The following SRP72 variants were observed in gnomAD, a reference collection of about 807,000 sequenced individuals.
SRP72 encodes signal recognition particle 72.
Under a neutral mutation model 96.3 loss-of-function variants are expected in SRP72, and 49 were observed. The ratio of observed to expected loss-of-function variants is 0.51; its 90% CI spans 0.40 to 0.65. The LOEUF is 0.65. Ranked by LOEUF, SRP72 falls within the 30% of genes least tolerant of loss-of-function variation. The pLI, the probability that SRP72 is intolerant of heterozygous loss-of-function variation, is 0.00. For synonymous variants in SRP72, 267 were observed against 275.2 expected (o/e 0.97, Z 0.30); for missense variants, 736 against 793.3 (o/e 0.93, Z 0.87).
intron 16 of SRP72, 112 bp downstream of exon 16, chr4:56,491,680 CTTTTCCAT>C: frequency 2.7e-6 from 3 of 1,111,686 alleles, no homozygotes; most frequent in Non-Finnish European, 3.8e-6. Flanking sequence ...CTCTTTGTTC[CTTTTCCAT>C]TTCTCTCACT....
At chr4:56,485,047 G>A (rs1720652770) in intron 10 of SRP72, among the ~76,000 whole-genome samples, 183 bp downstream of exon 10, 2 of 152,092 alleles carry the variant, frequency 1.3e-5, no homozygotes, top group South Asian at 4.1e-4. Context: ...ATTTCTTTGT[G>A]TTATATAAAT....
rs1719879534 is a variant in SRP72, at chr4:56,469,535, T to A, written c.110-118T>A. On this transcript the variant is annotated intron_variant, in intron 1 of 18. Transcript: ENST00000642900. ...GTTTCTTCCAGTTGTTCTGACCAAT[T>A]ATTTCTGTTGCAATAAAAGTAGAAA... 8 of 960,492 alleles carry A rather than the reference T, an allele frequency of 8.3e-6. No individual in the cohort carries two copies. The South Asian group carries it at 1.8e-4, about 21-fold the overall frequency. The allele number at this position is 960,492 out of a possible 1,614,324, so 59.5% of individuals were successfully genotyped here. A position where few individuals can be genotyped will look rare whatever the true frequency, so the allele number is the denominator to read the frequency against.
At position 56,484,681 on chromosome 4, in the gene SRP72, G is replaced by A. The variant is rs969383381; in HGVS notation, c.958-55G>A. On this transcript the variant is annotated intron_variant, in intron 9 of 18. Transcript: ENST00000642900. The stretch of plus-strand genomic sequence containing the variant: ...TGTTTCTTTTCTTTCTGGTCATTTA[G>A]TGTTTAATTTCATTAACCAGTTTAT... 1.9e-6 allele frequency: 3 copies of A among 1,601,476 alleles called. No individual in the cohort carries two copies. The African/African-American group carries it at 4.0e-5, about 22-fold the overall frequency.
chr4:56,491,820 A>G, intron 16 of SRP72: 1 of 311,982 alleles, frequency 3.2e-6, no homozygotes, highest in East Asian at 6.0e-5. Flanking sequence ...GATGGTTTAC[A>G]AATATTTTCT....
chr4:56,501,735 T>C lies in SRP72; in HGVS notation c.1890T>C (p.Ser630=). ...CACCCACCTCCCCAAGACCTGGCAG[T>C]GCTGCAACAGTATCTGCCTCTACAA... ...SSPPTSPRPG[S]AATVSASTSN... The change falls in exon 19 of 19, where the codon AGT becomes AGC. Residue 630 remains serine, a synonymous_variant. Transcript: ENST00000642900. 1.2e-6 allele frequency: 2 copies of C among 1,614,054 alleles called. No individual in the cohort carries two copies. Among genetic ancestry groups the C allele is most frequent in the Middle Eastern group, 3.3e-4 (2 of 6,062 alleles).
chr4:56,488,240 G>A (rs1720789471), intron 12 of SRP72, among the ~76,000 whole-genome samples: 1 of 152,136 alleles, frequency 6.6e-6, no homozygotes, highest in South Asian at 2.1e-4. Context: ...TAGTATCACT[G>A]AAAACCAACC....
rs779302597 is a variant in SRP72 at position 56,469,694 on chromosome 4, A to G, written c.151A>G (p.Lys51Glu). ...AGATGACGTAACTGCCCTGCATTGT[A>G]AAGTGGTATGCCTTATCCAGAATGG... ...NKDDVTALHCKVVCLIQNGSF... is the reference protein window; with the variant it reads ...NKDDVTALHCEVVCLIQNGSF... The change falls in exon 2 of 19, where the codon AAA becomes GAA. Residue 51 changes from lysine to glutamate, a missense_variant. Lys to Glu is a moderately conservative substitution (Grantham distance 56). Around this residue, in one of 3 missense-constraint regions of SRP72, gnomAD observed 329 missense variants for 319.0 expected, o/e 1.03. Transcript: ENST00000642900. 26 of 1,612,304 alleles carry G rather than the reference A, an allele frequency of 1.6e-5. No individual in the cohort carries two copies. Among genetic ancestry groups the G allele is most frequent in the Non-Finnish European group, 2.0e-5 (24 of 1,178,742 alleles).
intron 9 of SRP72, among the ~76,000 whole-genome samples, chr4:56,484,009 G>A (rs1720605408): frequency 6.9e-6 from 1 of 145,872 alleles, no homozygotes; most frequent in African/African-American, 2.6e-5. Context: ...GTTTTAGTGG[G>A]AGACAGAGAA....
At position 56,471,751 on chromosome 4, in the gene SRP72, G is replaced by A. The variant is rs1428891419; in HGVS notation, c.262G>A (p.Glu88Lys). ...NSLSFEKAYC[E>K]YRLNRIENAL... ...TCTCTCCTTTGAAAAGGCATATTGCGAGTACAGGCTGAACAGAATTGAGAA... is the reference window on the plus strand; with the variant it reads ...TCTCTCCTTTGAAAAGGCATATTGCAAGTACAGGCTGAACAGAATTGAGAA... The change falls in exon 3 of 19, where the codon GAG (glutamate) becomes AAG (lysine). Residue 88 changes from glutamate to lysine, a missense_variant. Physicochemically the swap from Glu to Lys is moderately conservative, Grantham distance 56. Transcript: ENST00000642900. 1.9e-6 allele frequency: 3 copies of A among 1,613,560 alleles called. No individual in the cohort carries two copies. Among genetic ancestry groups the A allele is most frequent in the South Asian group, 1.1e-5 (1 of 91,004 alleles).
At chr4:56,489,096 T>A (rs12646890) in intron 12 of SRP72, 2 of 247,294 alleles carry the variant, frequency 8.1e-6, no homozygotes, top group East Asian at 1.5e-4. Context: ...TGTAGAAACA[T>A]TTCTAAGGGC....
At chr4:56,471,936 C>A in intron 3 of SRP72, 93 bp downstream of exon 3, 5 of 1,485,856 alleles carry the variant, frequency 3.4e-6, no homozygotes, top group Non-Finnish European at 4.5e-6. Context: ...CCAGCCCATC[C>A]TGATGCTCCA....
chr4:56,491,384 G>A, intron 15 of SRP72, 47 bp from the exon 16 acceptor site: 1 of 1,594,938 alleles, frequency 6.3e-7, no homozygotes, highest in Non-Finnish European at 8.6e-7. Flanking sequence ...CTATATAAAT[G>A]TGTGTGTTTG....
chr4:56,482,350 A>T (rs909879108), intron 8 of SRP72, among the ~76,000 whole-genome samples: 2 of 151,136 alleles, frequency 1.3e-5, no homozygotes, highest in Non-Finnish European at 2.9e-5. Flanking sequence ...CGGGAGACTG[A>T]GGCAGGAGAA....
At chr4:56,494,288 A>G (rs947222021) in intron 16 of SRP72, among the ~76,000 whole-genome samples, 2 of 152,144 alleles carry the variant, frequency 1.3e-5, no homozygotes, top group Admixed American at 1.3e-4. Flanking sequence ...AATTTTTGGT[A>G]GGAATTGTTG....
chr4:56,501,808 A>T lies in SRP72; in HGVS notation c.1963A>T (p.Thr655Ser). ...CCAGAAACCTGCAGGGGCTCCAGCAACAAAAAAGAAACAGCAACAGAAAAA... is the reference window on the plus strand; with the variant it reads ...CCAGAAACCTGCAGGGGCTCCAGCATCAAAAAAGAAACAGCAACAGAAAAA... Reference protein sequence around the residue: ...RHQKPAGAPATKKKQQQKKKK... With the variant: ...RHQKPAGAPASKKKQQQKKKK... The change falls in exon 19 of 19, where the codon ACA (threonine) becomes TCA (serine). Residue 655 changes from threonine (T) to serine (S), a missense_variant. By Grantham distance (58) the Thr-to-Ser change is moderately conservative. This residue lies in a region of SRP72 where 388 missense variants were observed against 431.8 expected (regional missense o/e 0.90). Transcript: ENST00000642900. 6.2e-7 allele frequency: 1 copy of T among 1,614,170 alleles called. No homozygotes were observed. The highest frequency in any genetic ancestry group is 8.5e-7 in the Non-Finnish European group (1 of 1,180,026).
At chr4:56,475,783 A>G (rs1476010311) in intron 5 of SRP72, 5 of 152,202 alleles carry the variant, frequency 3.3e-5, no homozygotes. Flanking sequence ...CAGATTTTAA[A>G]TTTACCTACC....
chr4:56,476,084 A>G (rs1327319217), intron 5 of SRP72: 2 of 153,544 alleles, frequency 1.3e-5, no homozygotes, highest in Admixed American at 6.5e-5. Context: ...AATAGTATGC[A>G]CCGTGTCTCA....
rs556759924 is a variant in SRP72, at chr4:56,484,433, G to A, written c.958-303G>A. ...GCATTTTGTTGTTTTTGAAGCAAAT[G>A]CTTATATTTGATGTGTTTGATTTTT... On this transcript the variant is annotated intron_variant, in intron 9 of 18. Transcript: ENST00000642900. Among the ~76,000 whole-genome samples, 9 of 152,134 alleles carry A rather than the reference G, an allele frequency of 5.9e-5. No homozygotes were observed. The South Asian group carries it at 1.9e-3, about 32-fold the overall frequency.
chr4:56,474,371 A>G lies in SRP72; in HGVS notation c.590A>G (p.Lys197Arg). 6.2e-7 allele frequency: 1 copy of G among 1,613,942 alleles called. No individual in the cohort carries two copies. The highest frequency in any genetic ancestry group is 8.5e-7 in the Non-Finnish European group (1 of 1,179,994). Residue 197 changes from lysine (K) to arginine (R), a missense_variant, in exon 5 of 19, where the codon AAA (lysine) becomes AGA (arginine). Transcript: ENST00000642900. ...IGQGQLNQAM[K>R]ILQKAEDLCR... Reference sequence around the variant, plus strand: ...CAAGGCCAGCTGAACCAGGCCATGAAAATCCTACAAAAAGCTGAAGGTTGG... The same window carrying G: ...CAAGGCCAGCTGAACCAGGCCATGAGAATCCTACAAAAAGCTGAAGGTTGG...
Sources: allele counts gnomAD v4.1 joint callset (sites outside exome capture counted in the v4.1 genomes callset), GRCh38; gene constraint gnomAD v4.1.1; regional missense constraint gnomAD v4.1.1; transcripts MANE v1.5; gene names NCBI Gene and HGNC (gene_info 2026-07-23, HGNC 2026-07-21).